Variants in PARP15 observed in about 807,000 individuals in gnomAD.
PARP15 encodes protein mono-ADP-ribosyltransferase PARP15.
Under a neutral mutation model 62.1 loss-of-function variants are expected in PARP15, and 50 were observed. The observed-to-expected ratio is 0.81, with a 90% CI of 0.64 to 1.02. The LOEUF is 1.02. Ranked by LOEUF, PARP15 falls within the 50% of genes least tolerant of loss-of-function variation. The pLI is 0.00. For missense variants in PARP15, 820 were observed against 826.5 expected (o/e 0.99, Z 0.10); for synonymous variants, 309 against 293.1 (o/e 1.05, Z -0.55).
chr3:122,606,106 A>G (rs1935144627), intron 2 of PARP15, 51 bp downstream of exon 2: 2 of 1,513,398 alleles, frequency 1.3e-6, no homozygotes, highest in South Asian at 1.2e-5. Flanking sequence ...GATCTATTTA[A>G]CTTGTTCTGT....
chr3:122,581,100 T>C (rs1187173530), intron 1 of PARP15, among the ~76,000 whole-genome samples: 13 of 152,180 alleles, frequency 8.5e-5, no homozygotes, highest in Admixed American at 8.5e-4. Context: ...GTAAGTACAC[T>C]CTATGGTGTT....
chr3:122,596,752 G>A (rs1045911143), intron 1 of PARP15, among the ~76,000 whole-genome samples: 1 of 152,294 alleles, frequency 6.6e-6, no homozygotes, highest in East Asian at 1.9e-4. Flanking sequence ...TTTAATGGCT[G>A]TACCTCACCT....
chr3:122,592,685 G>T (rs545885367), intron 1 of PARP15, among the ~76,000 whole-genome samples: 1 of 151,636 alleles, frequency 6.6e-6, no homozygotes, highest in South Asian at 2.1e-4. Context: ...ACATAGCACT[G>T]TTCTAACCAT....
intron 8 of PARP15, 129 bp from the exon 9 acceptor site, chr3:122,626,698 G>C: frequency 1.3e-6 from 1 of 747,788 alleles, no homozygotes; most frequent in Non-Finnish European, 2.2e-6. Flanking sequence ...CCAACTAGCT[G>C]TGAGTGTCAG....
intron 1 of PARP15, among the ~76,000 whole-genome samples, chr3:122,580,983 G>C (rs2080791528): frequency 6.6e-6 from 1 of 152,090 alleles, no homozygotes; most frequent in South Asian, 2.1e-4. Flanking sequence ...TGTTACCATT[G>C]CCTGTAGTAT....
chr3:122,592,737 A>G (rs888440251), intron 1 of PARP15, among the ~76,000 whole-genome samples: 1 of 152,238 alleles, frequency 6.6e-6, no homozygotes, highest in Non-Finnish European at 1.5e-5. Flanking sequence ...CAAGGCAAGT[A>G]GTATCATTAT....
intron 1 of PARP15, among the ~76,000 whole-genome samples, chr3:122,599,342 C>T (rs1258107833): frequency 6.6e-6 from 1 of 151,322 alleles, no homozygotes; most frequent in Admixed American, 6.6e-5. Context: ...CACTGCACTC[C>T]AGCCTGGGCA....
At chr3:122,634,576 A>G (rs1937245097) in intron 10 of PARP15, among the ~76,000 whole-genome samples, 1 of 152,212 alleles carries the variant, frequency 6.6e-6, no homozygotes. Flanking sequence ...CTGTGACCAT[A>G]ATTGGAGCAA....
At chr3:122,590,923 T>C (rs919537297) in intron 1 of PARP15, among the ~76,000 whole-genome samples, 1 of 152,248 alleles carries the variant, frequency 6.6e-6, no homozygotes, top group Non-Finnish European at 1.5e-5. Context: ...GTTGTAGCTC[T>C]ATTAATTTAA....
intron 6 of PARP15, among the ~76,000 whole-genome samples, chr3:122,619,285 C>G (rs1274554436): frequency 6.6e-6 from 1 of 152,152 alleles, no homozygotes; most frequent in African/African-American, 2.4e-5. Context: ...ACGACTCGAC[C>G]CAGCTGTCAT....
At chr3:122,614,573 A>G (rs1386301614) in intron 4 of PARP15, among the ~76,000 whole-genome samples, 1 of 152,174 alleles carries the variant, frequency 6.6e-6, no homozygotes, top group Non-Finnish European at 1.5e-5. Flanking sequence ...ATCCAGAGAC[A>G]TATTTTTTTG....
chr3:122,635,085 C>T lies in PARP15; in HGVS notation c.1638C>T (p.Ile546=), dbSNP rs778864602. 1.9e-6 allele frequency: 3 copies of T among 1,614,000 alleles called. No individual in the cohort carries two copies. The highest frequency in any genetic ancestry group is 2.2e-5 in the East Asian group (1 of 44,868). ...SYQVKKRQMD[I]KNDHKNNERL... ...AGGTAAAGAAAAGGCAAATGGATAT[C>T]AAGAATGACCATAAGAATAATGAGA... The change falls in exon 11 of 12, where the codon ATC becomes ATT. Residue 546 remains isoleucine (I), a synonymous_variant. Coordinates refer to ENST00000464300, the MANE Select transcript of PARP15 (RefSeq NM_001113523.3).
intron 6 of PARP15, among the ~76,000 whole-genome samples, chr3:122,618,773 C>T (rs987333532): frequency 2.0e-5 from 3 of 152,102 alleles, no homozygotes; most frequent in Non-Finnish European, 2.9e-5. Context: ...GACCAAACAT[C>T]GAGTGCCCAG....
intron 8 of PARP15, among the ~76,000 whole-genome samples, chr3:122,623,668 C>T (rs1936494153): frequency 1.3e-5 from 2 of 152,174 alleles, no homozygotes; most frequent in South Asian, 4.1e-4. Context: ...ACTGTGAATA[C>T]ATTGTGAGAT....
intron 6 of PARP15, among the ~76,000 whole-genome samples, chr3:122,617,866 C>T (rs569151066): frequency 6.6e-6 from 1 of 152,226 alleles, no homozygotes; most frequent in South Asian, 2.1e-4. Context: ...GTAGCTGGGA[C>T]TACAGGCATG....
intron 9 of PARP15, among the ~76,000 whole-genome samples, chr3:122,630,801 G>A (rs149055129): frequency 3.3e-5 from 5 of 152,222 alleles, no homozygotes; most frequent in East Asian, 3.9e-4. Flanking sequence ...TTCCTAAAGC[G>A]CTTTCAGACT....
At chr3:122,586,266 G>A (rs1335197930) in intron 1 of PARP15, among the ~76,000 whole-genome samples, 3 of 151,750 alleles carry the variant, frequency 2.0e-5, no homozygotes, top group Admixed American at 6.6e-5. Context: ...GAGTGCAGTG[G>A]CCTAATCATG....
chr3:122,636,991 A>C lies in PARP15; in HGVS notation c.*891A>C, dbSNP rs959576514. The C allele has an allele frequency of 1.3e-5, 2 of 152,258 alleles. No homozygotes were observed. The highest frequency in any genetic ancestry group is 2.4e-5 in the African/African-American group (1 of 41,450). 9.4% of individuals were successfully genotyped at this position (152,258 alleles called of 1,614,324 possible). On this transcript the variant is annotated 3_prime_UTR_variant, in exon 12 of 12. Transcript: ENST00000464300. Reference sequence around the variant, plus strand: ...TGAGCAACTCAAGAGAGAGCAAGGCAGAAGCTACCAAATCTTTATGTTTGA... The same window carrying C: ...TGAGCAACTCAAGAGAGAGCAAGGCCGAAGCTACCAAATCTTTATGTTTGA...
At chr3:122,627,849 C>T (rs1298967868) in intron 9 of PARP15, among the ~76,000 whole-genome samples, 1 of 152,164 alleles carries the variant, frequency 6.6e-6, no homozygotes, top group Non-Finnish European at 1.5e-5. Flanking sequence ...GTAGGACACA[C>T]ACAATAAAAA....
Sources: gnomAD v4.1 joint callset for allele counts (sites outside exome capture counted in the v4.1 genomes callset) on GRCh38, gnomAD v4.1.1 for gene constraint, MANE v1.5 for transcripts, NCBI Gene and HGNC (gene_info 2026-07-23, HGNC 2026-07-21) for gene names.